FMN1: variants seen among roughly 807,000 people sequenced by gnomAD.
The protein encoded by FMN1 is formin 1, also known as formin-1.
Under a neutral mutation model 132.4 loss-of-function variants are expected in FMN1, and 110 were observed. That is an observed-to-expected ratio of 0.83 (90% CI 0.71 to 0.97). The LOEUF is 0.97. Among genes scored for constraint, FMN1 ranks in the 50% least tolerant of loss-of-function variants. The probability of loss-of-function intolerance (pLI) is 0.00; values close to 1 mark genes in which losing one functional copy is unlikely to be tolerated. For missense variants in FMN1, 1,792 were observed against 1,705.3 expected, an observed-to-expected ratio of 1.05 and a Z score of -0.90; for synonymous variants, 722 against 651.7, an observed-to-expected ratio of 1.11 and a Z score of -1.64.
chr15:33,190,486 T>C (rs1308920438), intron 2 of FMN1, among the ~76,000 whole-genome samples: 2 of 152,176 alleles, frequency 1.3e-5, no homozygotes, highest in African/African-American at 4.8e-5. Context: ...GGTCCATATT[T>C]TTCCTTATGT....
At chr15:33,123,874 A>G (rs1962797649) in intron 4 of FMN1, among the ~76,000 whole-genome samples, 1 of 152,208 alleles carries the variant, frequency 6.6e-6, no homozygotes, top group South Asian at 2.1e-4. Flanking sequence ...GATTACAGGC[A>G]TGGAGCTCAA....
chr15:33,111,757 A>G (rs1454825423), intron 4 of FMN1, among the ~76,000 whole-genome samples: 2 of 149,806 alleles, frequency 1.3e-5, no homozygotes, highest in Non-Finnish European at 2.9e-5. Flanking sequence ...GGAGGCAGAA[A>G]GAAGCTCAGT....
chr15:32,877,524 AAGG>A lies in FMN1; in HGVS notation c.3835+10645_3835+10647del, dbSNP rs1185993804. On this transcript the variant is annotated intron_variant, in intron 16 of 20. Transcript: ENST00000616417. ...TTCAATACAGTAACCCTTCATGAAC[AAGG>A]AGAATTATAGAATGCACTGAAATAG... Among the ~76,000 whole-genome samples the A allele has an allele frequency of 4.6e-5, 7 of 152,212 alleles. No individual in the cohort carries two copies. In the East Asian group the frequency reaches 5.8e-4, roughly 13 times the overall value.
At chr15:33,042,080 A>G (rs2036466961) in intron 6 of FMN1, among the ~76,000 whole-genome samples, 1 of 152,200 alleles carries the variant, frequency 6.6e-6, no homozygotes, top group Admixed American at 6.5e-5. Flanking sequence ...AACTAATAAG[A>G]GCATAAAGTC....
At chr15:32,879,612 G>A (rs766762623) in intron 16 of FMN1, among the ~76,000 whole-genome samples, 1 of 152,024 alleles carries the variant, frequency 6.6e-6, no homozygotes, top group African/African-American at 2.4e-5. Context: ...CGCCTCATCT[G>A]ACCCTTTCAA....
At chr15:32,981,230 G>A (rs949093803) in intron 7 of FMN1, among the ~76,000 whole-genome samples, 4 of 151,968 alleles carry the variant, frequency 2.6e-5, no homozygotes, top group Admixed American at 1.3e-4. Context: ...GGTGGCTCAC[G>A]CCTGTAATCC....
At chr15:32,955,111 A>T (rs537662153) in intron 9 of FMN1, among the ~76,000 whole-genome samples, 1 of 152,356 alleles carries the variant, frequency 6.6e-6, no homozygotes, top group South Asian at 2.1e-4. Flanking sequence ...AAACAGGAAC[A>T]ATAATAGGAA....
chr15:33,073,377 G>A (rs2038072659), intron 5 of FMN1, among the ~76,000 whole-genome samples: 1 of 152,180 alleles, frequency 6.6e-6, no homozygotes, highest in Non-Finnish European at 1.5e-5. Flanking sequence ...ACAAAAAGTA[G>A]AAAGTGTAGT....
At chr15:33,075,577 A>T (rs2038176662) in intron 5 of FMN1, among the ~76,000 whole-genome samples, 1 of 152,230 alleles carries the variant, frequency 6.6e-6, no homozygotes. Flanking sequence ...AAGTTTTCTC[A>T]AGTGGCCACT....
chr15:33,022,022 G>A (rs1209644686), intron 6 of FMN1, among the ~76,000 whole-genome samples: 2 of 152,258 alleles, frequency 1.3e-5, no homozygotes, highest in Admixed American at 1.3e-4. Flanking sequence ...TCCCTTGGTG[G>A]GAGGGATTGG....
intron 9 of FMN1, among the ~76,000 whole-genome samples, chr15:32,963,499 T>C (rs1259175577): frequency 6.7e-6 from 1 of 149,668 alleles, no homozygotes; most frequent in African/African-American, 2.5e-5. Context: ...GTATAATAAA[T>C]AAATAAGAAG....
chr15:33,182,573 T>C (rs990564439), intron 2 of FMN1, among the ~76,000 whole-genome samples: 1 of 152,176 alleles, frequency 6.6e-6, no homozygotes, highest in Non-Finnish European at 1.5e-5. Context: ...TAAACACAGA[T>C]ACTCCTGTTT....
intron 13 of FMN1, 104 bp downstream of exon 13, chr15:32,901,807 T>C: frequency 4.6e-6 from 4 of 862,464 alleles, no homozygotes; most frequent in Non-Finnish European, 6.6e-6. Flanking sequence ...AAACATACAA[T>C]CTGAGTCCAA....
chr15:33,022,168 T>C (rs2035447328), intron 6 of FMN1, among the ~76,000 whole-genome samples: 1 of 152,246 alleles, frequency 6.6e-6, no homozygotes, highest in African/African-American at 2.4e-5. Context: ...GTCAATGCTA[T>C]GTAAATACTT....
chr15:32,901,877 C>T, intron 13 of FMN1, 34 bp downstream of exon 13: 8 of 1,573,754 alleles, frequency 5.1e-6, no homozygotes, highest in Non-Finnish European at 6.9e-6. Context: ...CTCTTCAGAG[C>T]AAGGCTATCT....
intron 10 of FMN1, among the ~76,000 whole-genome samples, chr15:32,911,389 G>A (rs1046555343): frequency 4.6e-5 from 7 of 152,042 alleles, no homozygotes; most frequent in Non-Finnish European, 8.8e-5. Context: ...TAACCAGCAC[G>A]CTAGTAAATT....
At chr15:32,898,752 T>C (rs1225135285) in intron 15 of FMN1, 82 bp downstream of exon 15, 1 of 895,180 alleles carries the variant, frequency 1.1e-6, no homozygotes, top group African/African-American at 1.7e-5. Context: ...TGCAGTTCGT[T>C]CATCCATCTA....
rs148949297 is a variant in FMN1 at position 33,086,729 on chromosome 15, G to A, written c.2043+2070C>T. ...TCCTACTTTAAGCATCTCTAAAGAC[G>A]CACAACTTTATATATGGGAACAAAA... is the stretch of plus-strand genomic sequence containing the variant. On this transcript the variant is annotated intron_variant, in intron 5 of 20. Transcript: ENST00000616417. Among the ~76,000 whole-genome samples the A allele has an allele frequency of 5.3e-5, 8 of 152,264 alleles. No homozygotes were observed. In the East Asian group the frequency reaches 1.5e-3, roughly 29 times the overall value.
chr15:33,004,591 G>T (rs1308119779), intron 7 of FMN1, among the ~76,000 whole-genome samples: 2 of 152,172 alleles, frequency 1.3e-5, no homozygotes, highest in Admixed American at 6.5e-5. Context: ...CTGTTGGTGG[G>T]ACTGTAAACC....
Sources: gnomAD v4.1 joint callset for allele counts (sites outside exome capture counted in the v4.1 genomes callset) on GRCh38, gnomAD v4.1.1 for gene constraint, MANE v1.5 for transcripts, NCBI Gene and HGNC (gene_info 2026-07-23, HGNC 2026-07-21) for gene names.